SUMF2: variants seen among roughly 807,000 people sequenced by gnomAD.
SUMF2 encodes inactive C-alpha-formylglycine-generating enzyme 2.
In SUMF2, 45 loss-of-function variants were observed where a neutral mutation model predicts 44.8. The observed-to-expected ratio is 1.00, with a 90% CI of 0.79 to 1.29. The LOEUF (loss-of-function observed/expected upper bound fraction) is 1.29. Ranked by LOEUF, SUMF2 falls within the 50% of genes most tolerant of loss-of-function variation. The pLI is 0.00. For synonymous variants in SUMF2, 148 were observed against 150.4 expected (o/e 0.98, Z 0.12); for missense variants, 418 against 389.9 (o/e 1.07, Z -0.61).
At chr7:56,084,853 G>C (rs1796188692), downstream of SUMF2, among the ~76,000 whole-genome samples, 1 of 152,186 alleles carries the variant, frequency 6.6e-6, no homozygotes, top group South Asian at 2.1e-4. Flanking sequence ...CCTCAGGGCA[G>C]CATTAAAAAT....
the SUMF2 span, among the ~76,000 whole-genome samples, chr7:56,087,351 G>A: frequency 6.6e-6 from 1 of 151,864 alleles, no homozygotes. Context: ...CCTCCCGAGT[G>A]GCTGGGATTA....
rs750575215 is a variant in SUMF2, at chr7:56,078,205, T to C, written c.676+19T>C. On this transcript the variant is annotated intron_variant, in intron 7 of 8. Transcript: ENST00000434526. ...AACTACGGTAAGAGCTGTCTTGGGC[T>C]TGCGGCTGTGCCCATGAACTGGCTG... The C allele has an allele frequency of 6.2e-7, 1 of 1,602,126 alleles. No individual in the cohort carries two copies.
chr7:56,083,053 C>A, downstream of SUMF2: 1 of 455,436 alleles, frequency 2.2e-6, no homozygotes, highest in Non-Finnish European at 4.0e-6. Flanking sequence ...TTGCAGTGAG[C>A]CGAGATTGTG....
chr7:56,082,149 C>G (rs1796033883), downstream of SUMF2: 1 of 1,613,184 alleles, frequency 6.2e-7, no homozygotes, highest in East Asian at 2.2e-5. Flanking sequence ...CTCCTCCTTT[C>G]CCGGCGCACT....
chr7:56,083,650 C>T (rs1248592797), downstream of SUMF2: 1 of 1,580,754 alleles, frequency 6.3e-7, no homozygotes, highest in Non-Finnish European at 8.6e-7. Flanking sequence ...GGACCCTCAC[C>T]TGGTTTCCTT....
downstream of SUMF2, chr7:56,082,130 A>T (rs1584619562): frequency 1.2e-6 from 2 of 1,611,060 alleles, no homozygotes; most frequent in East Asian, 4.5e-5. Flanking sequence ...TGCCCAGCCT[A>T]GCTGGGTGCT....
At chr7:56,083,668 A>T (rs1200024521), downstream of SUMF2, 3 of 1,585,034 alleles carry the variant, frequency 1.9e-6, no homozygotes, top group Non-Finnish European at 2.6e-6. Flanking sequence ...CTTCTCACTC[A>T]AGGTGACCTT....
rs143384571 is a variant in SUMF2, at chr7:56,078,142, A to G, written c.632A>G (p.His211Arg). Reference sequence around the variant, plus strand: ...GGAGACAAAGCTGAGGATGGCTTCCATGGAGTCTCCCCAGTGAATGCTTTC... The same window carrying G: ...GGAGACAAAGCTGAGGATGGCTTCCGTGGAGTCTCCCCAGTGAATGCTTTC... ...PKGDKAEDGF[H>R]GVSPVNAFPA... Residue 211 changes from histidine to arginine, a missense_variant, in exon 7 of 9, where the codon CAT becomes CGT. By Grantham distance (29) the His-to-Arg change is conservative (BLOSUM62 0). Coordinates refer to ENST00000434526, the MANE Select transcript of SUMF2 (RefSeq NM_015411.4). 35 of 1,613,120 alleles carry G rather than the reference A, an allele frequency of 2.2e-5. No homozygotes were observed. In the African/African-American group the frequency reaches 4.3e-4, roughly 20 times the overall value.
chr7:56,081,378 G>A (rs1394627925), downstream of SUMF2: 22 of 1,503,606 alleles, frequency 1.5e-5, no homozygotes, highest in Non-Finnish European at 2.0e-5. The surrounding 1 kb of genome is among the most constrained non-coding windows in gnomAD (Gnocchi z 4.6). Context: ...GACGCTCTGG[G>A]CTCGTTTGCC....
rs1013425589 is a variant in SUMF2 at position 56,073,379 on chromosome 7, G to A, written c.339+268G>A. On this transcript the variant is annotated intron_variant, in intron 3 of 8. Coordinates refer to ENST00000434526, the MANE Select transcript of SUMF2 (RefSeq NM_015411.4). The stretch of plus-strand genomic sequence containing the variant: ...AAGAGATCACCTTGGTGGGCCGAGC[G>A]TGGTGTCTCATGCCTATAATCTCAG... The A allele has an allele frequency of 4.7e-5, 22 of 472,340 alleles. No individual in the cohort carries two copies. The East Asian group carries it at 6.7e-4, about 14-fold the overall frequency. The allele number at this position is 472,340 out of a possible 1,614,324, so 29.3% of individuals were successfully genotyped here.
downstream of SUMF2, chr7:56,080,762 A>T (rs1414612536): frequency 4.4e-6 from 2 of 452,934 alleles, no homozygotes; most frequent in African/African-American, 3.9e-5. Context: ...AGAAATGGAG[A>T]TGGTGGCTCA....
At chr7:56,081,138 C>A (rs764456478), downstream of SUMF2, 1 of 1,613,890 alleles carries the variant, frequency 6.2e-7, no homozygotes, top group South Asian at 1.1e-5. The surrounding 1 kb of genome is among the most constrained non-coding windows in gnomAD (Gnocchi z 4.6). Flanking sequence ...GCTGCCCCTT[C>A]TTCACCCAGT....
intron 6 of SUMF2, 119 bp from the exon 7 acceptor site, chr7:56,077,983 C>A: frequency 1.3e-6 from 1 of 798,606 alleles, no homozygotes; most frequent in South Asian, 1.7e-5. Flanking sequence ...GGTCACCGCC[C>A]CGTGCCCTTC....
chr7:56,082,256 G>T (rs1450876888), downstream of SUMF2: 1 of 1,611,766 alleles, frequency 6.2e-7, no homozygotes, highest in Non-Finnish European at 8.5e-7. Context: ...GCAGACCTCT[G>T]CAGGAACAGT....
At chr7:56,068,759 A>G (rs1252692123) in intron 2 of SUMF2, 121 bp downstream of exon 2, 1 of 1,220,360 alleles carries the variant, frequency 8.2e-7, no homozygotes, top group African/African-American at 1.6e-5. Flanking sequence ...GCTGGAGTGC[A>G]GTGGCGCAAT....
intron 2 of SUMF2, 40 bp downstream of exon 2, chr7:56,068,678 C>T (rs781743016): frequency 1.1e-5 from 17 of 1,564,222 alleles, no homozygotes; most frequent in Non-Finnish European, 1.5e-5. Context: ...AAGACCCTCT[C>T]TAATCTCATT....
At position 56,073,048 on chromosome 7, in the gene SUMF2, G is replaced by A; in HGVS notation, c.276G>A (p.Trp92Ter). The change falls in exon 3 of 9, where the codon TGG (tryptophan) becomes TGA (stop). Residue 92 changes from tryptophan (W) to a stop codon, truncating the protein, a stop_gained. Coordinates refer to ENST00000434526, the MANE Select transcript of SUMF2 (RefSeq NM_015411.4). LOFTEE classifies it high-confidence loss of function. ...GGACAGAAGCTGAGATGTTTGGATGGAGCTTTGTCTTTGAGGACTTTGTCT... is the reference window on the plus strand; with the variant it reads ...GGACAGAAGCTGAGATGTTTGGATGAAGCTTTGTCTTTGAGGACTTTGTCT... ...KYRTEAEMFG[W>*]SFVFEDFVSD... The A allele has an allele frequency of 6.2e-7, 1 of 1,614,104 alleles. No homozygotes were observed. The highest frequency in any genetic ancestry group is 8.5e-7 in the Non-Finnish European group (1 of 1,180,024).
In SUMF2 at chr7:56,064,295, G is replaced by T. The variant is rs766514695; in HGVS notation, c.-17G>T. 7.0e-6 allele frequency: 11 copies of T among 1,579,418 alleles called. No individual in the cohort carries two copies. Among genetic ancestry groups the T allele is most frequent in the Non-Finnish European group, 6.0e-6 (7 of 1,162,950 alleles). ...CAGCGGGGCCGTGGGTGTACGCGGCGCAGCGCGGCAGTCCTGATGGCCCGG... is the reference window on the plus strand; with the variant it reads ...CAGCGGGGCCGTGGGTGTACGCGGCTCAGCGCGGCAGTCCTGATGGCCCGG... On this transcript the variant is annotated 5_prime_UTR_variant, in exon 1 of 9. Transcript: ENST00000434526.
At chr7:56,082,251 CCT>C, downstream of SUMF2, 1 of 1,612,226 alleles carries the variant, frequency 6.2e-7, no homozygotes, top group Non-Finnish European at 8.5e-7. Context: ...GTCCCGCAGA[CCT>C]CTGCAGGAAC....
Sources: gnomAD v4.1 joint callset for allele counts (sites outside exome capture counted in the v4.1 genomes callset) on GRCh38, gnomAD v4.1.1 for gene constraint, Gnocchi (gnomAD v3.1) non-coding constraint, MANE v1.5 for transcripts, NCBI Gene and HGNC (gene_info 2026-07-23, HGNC 2026-07-21) for gene names.